TTLL5: variants seen among roughly 807,000 people sequenced by gnomAD.
TTLL5 encodes the protein tubulin polyglutamylase TTLL5.
TTLL5 carries 132 observed loss-of-function variants against 168.4 expected under a neutral mutation model. The ratio of observed to expected loss-of-function variants is 0.78; its 90% CI spans 0.68 to 0.91. TTLL5 has a LOEUF of 0.91. TTLL5 is among the 40% of genes least tolerant of loss of function. TTLL5 has a pLI of 0.00. For missense variants in TTLL5, 1,545 were observed against 1,581.5 expected (o/e 0.98, Z 0.39); for synonymous variants, 546 against 558.6 (o/e 0.98, Z 0.32).
intron 24 of TTLL5, among the ~76,000 whole-genome samples, chr14:75,781,212 C>G (rs1318963988): frequency 6.6e-6 from 1 of 152,102 alleles, no homozygotes; most frequent in Non-Finnish European, 1.5e-5. Flanking sequence ...ACTGATAGGT[C>G]ATTCAAAATT....
intron 28 of TTLL5, among the ~76,000 whole-genome samples, chr14:75,837,746 TTATC>T (rs1478864519): frequency 1.3e-5 from 2 of 152,228 alleles, no homozygotes; most frequent in Non-Finnish European, 2.9e-5. Flanking sequence ...TCCTCAGGGT[TTATC>T]TATGTTATAA....
chr14:75,890,761 C>T (rs1043131854), intron 30 of TTLL5, among the ~76,000 whole-genome samples: 1 of 152,020 alleles, frequency 6.6e-6, no homozygotes, highest in Non-Finnish European at 1.5e-5. Context: ...GCCGTGTCAC[C>T]CAGGCTGGAG....
In TTLL5 at chr14:75,849,822, C is replaced by T. The variant is rs193027731; in HGVS notation, c.3327-13845C>T. 4.0e-4 allele frequency among the ~76,000 whole-genome samples: 61 copies of T among 152,192 alleles called. No homozygotes were observed. The East Asian group carries it at 0.01, about 25-fold the overall frequency. On this transcript the variant is annotated intron_variant, in intron 28 of 31. Coordinates refer to ENST00000298832, the MANE Select transcript of TTLL5 (RefSeq NM_015072.5). Reference sequence around the variant, plus strand: ...TCATTAAGAATATTTGGTGACTGGTCGGGTGTGGTGGCTCACACCTGTAAT... The same window carrying T: ...TCATTAAGAATATTTGGTGACTGGTTGGGTGTGGTGGCTCACACCTGTAAT...
At chr14:75,681,316 A>T (rs150388624) in intron 3 of TTLL5, among the ~76,000 whole-genome samples, 1 of 152,214 alleles carries the variant, frequency 6.6e-6, no homozygotes, top group Non-Finnish European at 1.5e-5. Context: ...TTAAATTTCA[A>T]CTAGAAACTA....
chr14:75,913,789 A>G (rs1002971457), intron 31 of TTLL5, among the ~76,000 whole-genome samples: 18 of 151,822 alleles, frequency 1.2e-4, no homozygotes, highest in African/African-American at 4.4e-4. Flanking sequence ...CGAGGTGGGC[A>G]GATCACTGGA....
At chr14:75,667,068 C>CT (rs539121684) in intron 2 of TTLL5, among the ~76,000 whole-genome samples, 123 of 144,968 alleles carry the variant, frequency 8.5e-4, no homozygotes, top group South Asian at 2.4e-3. Flanking sequence ...TCCTTAAGTG[C>CT]TTTTTTTTTT....
chr14:75,906,206 C>A (rs991921413), intron 31 of TTLL5, among the ~76,000 whole-genome samples: 1 of 152,306 alleles, frequency 6.6e-6, no homozygotes, highest in African/African-American at 2.4e-5. Flanking sequence ...ACTTGCCTGG[C>A]AGCTCTCAAC....
At chr14:75,797,491 C>T (rs570958815) in intron 27 of TTLL5, among the ~76,000 whole-genome samples, 11 of 152,158 alleles carry the variant, frequency 7.2e-5, no homozygotes, top group African/African-American at 2.6e-4. Context: ...TGTCTTGTTC[C>T]AGTTTTCAAG....
intron 5 of TTLL5, 181 bp downstream of exon 5, chr14:75,683,837 G>C (rs914925936): frequency 2.2e-6 from 1 of 459,556 alleles, no homozygotes; most frequent in Non-Finnish European, 3.9e-6. Flanking sequence ...GCAGTGGCAT[G>C]ATCTTGGCTC....
At chr14:75,757,458 G>A (rs1011648095) in intron 18 of TTLL5, among the ~76,000 whole-genome samples, 1 of 152,146 alleles carries the variant, frequency 6.6e-6, no homozygotes, top group Non-Finnish European at 1.5e-5. Flanking sequence ...TCCGGCCATG[G>A]CAGGTCAAAA....
intron 29 of TTLL5, among the ~76,000 whole-genome samples, chr14:75,867,488 G>A (rs908922809): frequency 2.6e-4 from 39 of 152,246 alleles, no homozygotes; most frequent in African/African-American, 8.4e-4. Flanking sequence ...AGGGCCGGGC[G>A]TGGTGGCTTA....
chr14:75,682,057 G>T (rs1258320827), intron 4 of TTLL5, among the ~76,000 whole-genome samples: 1 of 151,856 alleles, frequency 6.6e-6, no homozygotes, highest in Non-Finnish European at 1.5e-5. Flanking sequence ...GGGTGTGGTG[G>T]TGTGCAACTG....
intron 28 of TTLL5, chr14:75,837,486 G>A (rs1207221038): frequency 6.6e-6 from 1 of 152,110 alleles, no homozygotes; most frequent in Non-Finnish European, 1.5e-5. Flanking sequence ...ACTGTACACA[G>A]TTCAATAGCA....
At chr14:75,699,841 A>T (rs1320947442) in intron 7 of TTLL5, among the ~76,000 whole-genome samples, 1 of 152,182 alleles carries the variant, frequency 6.6e-6, no homozygotes, top group Non-Finnish European at 1.5e-5. Flanking sequence ...AATTGAATAC[A>T]TACACATGGT....
At chr14:75,818,247 G>A (rs934192697) in intron 27 of TTLL5, among the ~76,000 whole-genome samples, 8 of 152,012 alleles carry the variant, frequency 5.3e-5, no homozygotes, top group African/African-American at 1.9e-4. Flanking sequence ...TACATGCTCA[G>A]TTTATAAAAT....
chr14:75,676,319 A>G (rs1327969779), intron 3 of TTLL5, among the ~76,000 whole-genome samples: 1 of 152,212 alleles, frequency 6.6e-6, no homozygotes, highest in Non-Finnish European at 1.5e-5. Flanking sequence ...AGAGAAGCCT[A>G]GAAATCTATA....
At chr14:75,928,799 AT>A (rs1413476147) in intron 31 of TTLL5, among the ~76,000 whole-genome samples, 1 of 152,018 alleles carries the variant, frequency 6.6e-6, no homozygotes, top group Admixed American at 6.6e-5. Flanking sequence ...TGGTCATGGG[AT>A]TTTTTGAAAG....
intron 6 of TTLL5, among the ~76,000 whole-genome samples, chr14:75,697,418 C>T (rs1006956393): frequency 4.6e-5 from 7 of 152,076 alleles, no homozygotes; most frequent in Admixed American, 2.0e-4. Context: ...AAATTCTGTG[C>T]GGCACATTAA....
intron 31 of TTLL5, among the ~76,000 whole-genome samples, chr14:75,912,623 A>G (rs200102830): frequency 6.6e-6 from 1 of 152,244 alleles, no homozygotes; most frequent in East Asian, 1.9e-4. Flanking sequence ...ACAGGGAAAC[A>G]TGATAAATTG....
Sources: gnomAD v4.1 joint callset for allele counts (sites outside exome capture counted in the v4.1 genomes callset) on GRCh38, gnomAD v4.1.1 for gene constraint, MANE v1.5 for transcripts, NCBI Gene and HGNC (gene_info 2026-07-23, HGNC 2026-07-21) for gene names.